The following DDA1 variants were observed in gnomAD, a reference collection of about 807,000 sequenced individuals.
The protein encoded by DDA1 is DET1 and DDB1 associated 1, also known as DET1- and DDB1-associated protein 1.
DDA1 carries 3 observed loss-of-function variants against 18.6 expected under a neutral mutation model. That is an observed-to-expected ratio of 0.16 (90% CI 0.07 to 0.42). The LOEUF is 0.42. Ranked by LOEUF, DDA1 falls within the 10% of genes least tolerant of loss-of-function variation. The pLI is 0.99. For missense variants in DDA1, 105 were observed against 138.2 expected, an observed-to-expected ratio of 0.76 and a Z score of 1.20; for synonymous variants, 52 against 54.0, an observed-to-expected ratio of 0.96 and a Z score of 0.17.
chr19:17,313,031 G>A (rs1341207501), intron 1 of DDA1, among the ~76,000 whole-genome samples: 2 of 152,180 alleles, frequency 1.3e-5, no homozygotes, highest in Non-Finnish European at 2.9e-5. Flanking sequence ...GCCTGTCCCA[G>A]AGGGTGGTGG....
At chr19:17,316,927 C>T (rs1329512791) in intron 4 of DDA1, among the ~76,000 whole-genome samples, 1 of 151,538 alleles carries the variant, frequency 6.6e-6, no homozygotes, top group Non-Finnish European at 1.5e-5. Flanking sequence ...GAAATGTGTA[C>T]ACATGATTAA....
rs2074228536 is a variant in DDA1, at chr19:17,319,374, G to A, written c.199-172G>A. 2.6e-5 allele frequency among the ~76,000 whole-genome samples: 4 copies of A among 152,344 alleles called. No individual in the cohort carries two copies. In the South Asian group the frequency reaches 6.2e-4, roughly 24 times the overall value. On this transcript the variant is annotated intron_variant, in intron 4 of 4. Transcript: ENST00000359866. ...GTGAAGACTCACAGCCTCCAGCTGG[G>A]CAACATAGTGAAACCCCCATGTCTA...
chr19:17,309,747 C>T, intron 1 of DDA1, 90 bp downstream of exon 1: 2 of 1,513,454 alleles, frequency 1.3e-6, no homozygotes, highest in East Asian at 2.4e-5. Context: ...CTAGGCCCCT[C>T]TCCGTTCTGC....
chr19:17,311,021 C>A (rs886399829), intron 1 of DDA1, among the ~76,000 whole-genome samples: 1 of 152,060 alleles, frequency 6.6e-6, no homozygotes, highest in African/African-American at 2.4e-5. Flanking sequence ...ACACCAGGCT[C>A]ATTTTTGTAC....
chr19:17,315,286 CTATATATATACACACGT>C (rs1223207869), intron 3 of DDA1, among the ~76,000 whole-genome samples: 2 of 29,212 alleles, frequency 6.8e-5, no homozygotes, highest in African/African-American at 7.6e-4. Context: ...TATACACACA[CTATATATATACACACGT>C]GTATATATAT....
intron 3 of DDA1, among the ~76,000 whole-genome samples, chr19:17,315,112 T>C (rs1035080390): frequency 3.3e-5 from 4 of 121,132 alleles, no homozygotes; most frequent in Non-Finnish European, 4.9e-5. Context: ...CACATATATA[T>C]ACACACACGT....
intron 4 of DDA1, among the ~76,000 whole-genome samples, chr19:17,317,666 AC>A (rs1228622582): frequency 2.4e-5 from 3 of 127,356 alleles, no homozygotes; most frequent in Admixed American, 7.5e-5. Flanking sequence ...AAACTCCATC[AC>A]TAAAAAAAAA....
intron 1 of DDA1, 78 bp downstream of exon 1, chr19:17,309,735 C>G (rs1292340121): frequency 1.7e-5 from 26 of 1,540,600 alleles, no homozygotes; most frequent in South Asian, 4.8e-5. Flanking sequence ...TCTAGTATCC[C>G]CCTAGGCCCC....
intron 4 of DDA1, among the ~76,000 whole-genome samples, chr19:17,316,212 C>T (rs947460506): frequency 6.6e-6 from 1 of 152,168 alleles, no homozygotes; most frequent in African/African-American, 2.4e-5. Context: ...GGCTGGAGGC[C>T]AGGCCCAAGT....
At chr19:17,318,578 G>A (rs1452755465) in intron 4 of DDA1, among the ~76,000 whole-genome samples, 4 of 151,636 alleles carry the variant, frequency 2.6e-5, no homozygotes, top group Admixed American at 2.6e-4. Flanking sequence ...TGTTGGCCAG[G>A]CTAGTCTCGA....
chr19:17,319,590 C>A lies in DDA1; in HGVS notation c.243C>A (p.Gly81=), dbSNP rs372408172. 18 of 1,579,238 alleles carry A rather than the reference C, an allele frequency of 1.1e-5. No individual in the cohort carries two copies. In the Admixed American group the frequency reaches 3.3e-4, roughly 29 times the overall value. Residue 81 remains glycine, a synonymous_variant, in exon 5 of 5, where the codon GGC becomes GGA. Transcript: ENST00000359866. ...ACCAGGAGCAAGTGGAGCTGGAAGG[C>A]GAGAGCTCCGCACCTCCCCGCAAGG... The part of the protein sequence containing the change: ...KRDQEQVELE[G]ESSAPPRKVA...
Position 17,315,144 on chromosome 19 carries a change from CACACACGTATATAT to C in DDA1, c.136+764_137-768del, listed in dbSNP as rs1568353557. Among the ~76,000 whole-genome samples, 18 of 91,190 alleles carry C rather than the reference CACACACGTATATAT, an allele frequency of 2.0e-4. 2 individuals carry two copies. Among genetic ancestry groups the C allele is most frequent in the African/African-American group, 5.3e-4 (8 of 14,970 alleles). The allele number at this position is 91,190 out of a possible 152,430, so 59.8% of individuals were successfully genotyped here. The stretch of plus-strand genomic sequence containing the variant: ...ACGTATATATACACACATATATATA[CACACACGTATATAT>C]ACACACGTGTATATACACACACGTG... On this transcript the variant is annotated intron_variant, in intron 3 of 4. Transcript: ENST00000359866.
At chr19:17,316,270 T>C (rs1194014965) in intron 4 of DDA1, among the ~76,000 whole-genome samples, 1 of 152,184 alleles carries the variant, frequency 6.6e-6, no homozygotes, top group African/African-American at 2.4e-5. Flanking sequence ...GTAGACTGTA[T>C]TGGTATGAAC....
Position 17,322,916 on chromosome 19 carries a change from T to A in DDA1, c.*3260T>A, listed in dbSNP as rs1421166061. 1 of 152,250 alleles carries A rather than the reference T, an allele frequency of 6.6e-6. No homozygotes were observed. The highest frequency in any genetic ancestry group is 1.5e-5 in the Non-Finnish European group (1 of 68,050). The allele number at this position is 152,250 out of a possible 1,614,324, so 9.4% of individuals were successfully genotyped here. ...CGTCTTGCAAACCACCGCGCTGTCC[T>A]CTTTGAGAAGGAGTCTTACTCAGGA... On this transcript the variant is annotated 3_prime_UTR_variant, in exon 5 of 5. Coordinates refer to ENST00000359866, the MANE Select transcript of DDA1 (RefSeq NM_024050.6).
rs1555722641 is a variant in DDA1, at chr19:17,315,200, T to TAC, written c.137-729_137-728dup. Among the ~76,000 whole-genome samples, 56 of 13,772 alleles carry TAC rather than the reference T, an allele frequency of 4.1e-3. 21 individuals are homozygous for TAC. Among genetic ancestry groups the TAC allele is most frequent in the African/African-American group, 0.025 (42 of 1,668 alleles). 9.0% of individuals were successfully genotyped at this position (13,772 alleles called of 152,430 possible). A position where few individuals can be genotyped will look rare whatever the true frequency, so the allele number is the denominator to read the frequency against. On this transcript the variant is annotated intron_variant, in intron 3 of 4. Transcript: ENST00000359866. ...ACACACGTGTATACACACACGTGTA[T>TAC]ACACACGTGTATATACACACACGTG... is the stretch of plus-strand genomic sequence containing the variant.
At chr19:17,310,169 G>C (rs983454687) in intron 1 of DDA1, 1 of 158,004 alleles carries the variant, frequency 6.3e-6, no homozygotes, top group Non-Finnish European at 1.4e-5. Flanking sequence ...GCCCTTACCC[G>C]CCTCTAAGAA....
Position 17,322,871 on chromosome 19 carries a change from G to C in DDA1, c.*3215G>C, listed in dbSNP as rs891519247. 1 of 152,288 alleles carries C rather than the reference G, an allele frequency of 6.6e-6. No homozygotes were observed. Among genetic ancestry groups the C allele is most frequent in the Non-Finnish European group, 1.5e-5 (1 of 68,098 alleles). The allele number at this position is 152,288 out of a possible 1,614,324, so 9.4% of individuals were successfully genotyped here. ...CTCCCCAGACGATGTTCCAGGAGGCGGGTGTGCCAGAAGGGGCCACGTCTT... is the reference window on the plus strand; with the variant it reads ...CTCCCCAGACGATGTTCCAGGAGGCCGGTGTGCCAGAAGGGGCCACGTCTT... On this transcript the variant is annotated 3_prime_UTR_variant, in exon 5 of 5. Coordinates refer to ENST00000359866, the MANE Select transcript of DDA1 (RefSeq NM_024050.6).
intron 1 of DDA1, among the ~76,000 whole-genome samples, chr19:17,313,360 G>A (rs749483465): frequency 2.0e-5 from 3 of 151,798 alleles, no homozygotes; most frequent in Non-Finnish European, 4.4e-5. Context: ...CAAGCCATGT[G>A]GAGAGACTCG....
At chr19:17,317,965 C>T (rs1008572924) in intron 4 of DDA1, among the ~76,000 whole-genome samples, 4 of 151,882 alleles carry the variant, frequency 2.6e-5, no homozygotes, top group Non-Finnish European at 4.4e-5. Flanking sequence ...TTTTCTTTTT[C>T]GTTTTTCATT....
Sources: gnomAD v4.1 joint callset for allele counts (sites outside exome capture counted in the v4.1 genomes callset) on GRCh38, gnomAD v4.1.1 for gene constraint, MANE v1.5 for transcripts, NCBI Gene and HGNC (gene_info 2026-07-23, HGNC 2026-07-21) for gene names.